The following ADAMTS3 variants were observed in gnomAD, a reference collection of about 807,000 sequenced individuals.
ADAMTS3 encodes A disintegrin and metalloproteinase with thrombospondin motifs 3.
ADAMTS3 carries 73 observed loss-of-function variants against 129.0 expected under a neutral mutation model. The observed-to-expected ratio is 0.57, with a 90% confidence interval of 0.47 to 0.69. The LOEUF (loss-of-function observed/expected upper bound fraction) is 0.69, where lower values mean the gene tolerates loss of function less well. Ranked by LOEUF, ADAMTS3 falls within the 30% of genes least tolerant of loss-of-function variation. The pLI, the probability that ADAMTS3 is intolerant of heterozygous loss-of-function variation, is 0.00. For synonymous variants in ADAMTS3, 477 were observed against 510.8 expected, an observed-to-expected ratio of 0.93 and a Z score of 0.89; for missense variants, 1,457 against 1,514.5, an observed-to-expected ratio of 0.96 and a Z score of 0.63.
chr4:72,502,670 T>C (rs1293521275), intron 3 of ADAMTS3, among the ~76,000 whole-genome samples: 1 of 152,160 alleles, frequency 6.6e-6, no homozygotes, highest in East Asian at 1.9e-4. Context: ...CTTATTTTTC[T>C]AGTTCCCCTA....
chr4:72,509,256 G>GA (rs1269441050), intron 3 of ADAMTS3, among the ~76,000 whole-genome samples: 36 of 137,332 alleles, frequency 2.6e-4, no homozygotes, highest in South Asian at 1.6e-3. Context: ...ATTAGTAGAA[G>GA]AAAAAAAAAA....
rs1407825199 is a variant in ADAMTS3 at position 72,548,537 on chromosome 4, C to T, written c.445G>A (p.Val149Ile). 5 of 1,613,932 alleles carry T rather than the reference C, an allele frequency of 3.1e-6. No homozygotes were observed. Among genetic ancestry groups the T allele is most frequent in the Non-Finnish European group, 4.2e-6 (5 of 1,179,864 alleles). ...CCTGGAATGTCCACGATGTCACCAA[C>T]ATAAGCACAGTTAGTCTGCAAAGGC... is the stretch of plus-strand genomic sequence containing the variant. ...TEPLQTNCAY[V>I]GDIVDIPGTS... is the part of the protein sequence containing the mutation. The change falls in exon 3 of 22, where the codon GTT (valine) becomes ATT (isoleucine). Residue 149 changes from valine to isoleucine, a missense_variant. Val to Ile is a conservative substitution (Grantham distance 29). Coordinates refer to ENST00000286657, the MANE Select transcript of ADAMTS3 (RefSeq NM_014243.3).
At position 72,339,583 on chromosome 4, in the gene ADAMTS3, T is replaced by C. The variant is rs377057443; in HGVS notation, c.772A>G (p.Ile258Val). Residue 258 changes from isoleucine (I) to valine (V), a missense_variant, in exon 5 of 22, where the codon ATC (isoleucine) becomes GTC (valine). Ile to Val is a conservative substitution (Grantham distance 29, BLOSUM62 3). Transcript: ENST00000286657. ...TCATCCACTCCCAGCAGTACCTCGATATTGTAATCGTTTTCTCCCGCGTGT... is the reference window on the plus strand; with the variant it reads ...TCATCCACTCCCAGCAGTACCTCGACATTGTAATCGTTTTCTCCCGCGTGT... ...RRHAGENDYN[I>V]EVLLGVDDSV... 5 of 1,613,850 alleles carry C rather than the reference T, an allele frequency of 3.1e-6. 1 individual carries two copies. In the South Asian group the frequency reaches 3.3e-5, roughly 11 times the overall value.
chr4:72,335,645 T>A (rs1195144111), intron 5 of ADAMTS3, among the ~76,000 whole-genome samples: 1 of 152,166 alleles, frequency 6.6e-6, no homozygotes, highest in Non-Finnish European at 1.5e-5. Context: ...CTGTAAATAA[T>A]TTTTTAAAAT....
chr4:72,533,972 G>C (rs1721120611), intron 3 of ADAMTS3, among the ~76,000 whole-genome samples: 1 of 151,944 alleles, frequency 6.6e-6, no homozygotes, highest in African/African-American at 2.4e-5. Context: ...TCTCTTCCTC[G>C]GCCAGAAGGA....
intron 21 of ADAMTS3, among the ~76,000 whole-genome samples, chr4:72,288,087 A>G (rs574754645): frequency 1.2e-4 from 19 of 152,264 alleles, no homozygotes; most frequent in African/African-American, 4.6e-4. Context: ...GCTGGTCTCG[A>G]ACTCCTGACC....
At chr4:72,537,592 TACA>T (rs1255444612) in intron 3 of ADAMTS3, among the ~76,000 whole-genome samples, 2 of 151,880 alleles carry the variant, frequency 1.3e-5, no homozygotes, top group African/African-American at 2.4e-5. Context: ...AGAGGCAGCC[TACA>T]ACAACTACAA....
At chr4:72,287,727 A>AAG (rs1718548497) in intron 21 of ADAMTS3, among the ~76,000 whole-genome samples, 1 of 152,086 alleles carries the variant, frequency 6.6e-6, no homozygotes, top group Non-Finnish European at 1.5e-5. Flanking sequence ...CACCAAAAAT[A>AAG]AGAGAGAGAC....
intron 4 of ADAMTS3, among the ~76,000 whole-genome samples, chr4:72,389,150 C>T (rs1036172850): frequency 6.6e-6 from 1 of 152,160 alleles, no homozygotes; most frequent in Admixed American, 6.5e-5. Flanking sequence ...CTTCTAAATT[C>T]CAGTTTTTAA....
At chr4:72,422,259 T>C (rs1722464894) in intron 3 of ADAMTS3, among the ~76,000 whole-genome samples, 1 of 152,102 alleles carries the variant, frequency 6.6e-6, no homozygotes, top group Non-Finnish European at 1.5e-5. Flanking sequence ...TTAATTTTCA[T>C]CCTTAATCTC....
At chr4:72,392,929 T>C (rs200064737) in intron 4 of ADAMTS3, among the ~76,000 whole-genome samples, 80 of 132,780 alleles carry the variant, frequency 6.0e-4, no homozygotes, top group African/African-American at 1.4e-3. Context: ...TTTTTTTTTT[T>C]CTTTTTTTTT....
chr4:72,313,135 A>G (rs533999649), intron 12 of ADAMTS3, among the ~76,000 whole-genome samples: 74 of 152,192 alleles, frequency 4.9e-4, no homozygotes, highest in Non-Finnish European at 9.7e-4. Flanking sequence ...TCTAAATGTG[A>G]GAATTCAGTT....
rs535856238 is a variant in ADAMTS3 at position 72,536,110 on chromosome 4, G to A, written c.504+12368C>T. 6.6e-5 allele frequency among the ~76,000 whole-genome samples: 10 copies of A among 152,188 alleles called. No homozygotes were observed. The East Asian group carries it at 1.2e-3, about 18-fold the overall frequency. On this transcript the variant is annotated intron_variant, in intron 3 of 21. Coordinates refer to ENST00000286657, the MANE Select transcript of ADAMTS3 (RefSeq NM_014243.3). The stretch of plus-strand genomic sequence containing the variant: ...GTCAATTGTGTAAAACCTCATTATC[G>A]TAATGACAACAGCAATAAGAAGTCT...
intron 3 of ADAMTS3, among the ~76,000 whole-genome samples, chr4:72,430,693 ATTAGAG>A (rs1286795162): frequency 2.6e-5 from 4 of 152,018 alleles, no homozygotes; most frequent in Non-Finnish European, 4.4e-5. Flanking sequence ...CAAGAATGGA[ATTAGAG>A]TTAATGTAGA....
intron 3 of ADAMTS3, among the ~76,000 whole-genome samples, chr4:72,514,070 T>A (rs1370412694): frequency 6.6e-6 from 1 of 152,104 alleles, no homozygotes; most frequent in Admixed American, 6.6e-5. Context: ...CTCTCCTTCT[T>A]CCTCACCCCC....
chr4:72,311,000 T>C (rs1719218070), intron 14 of ADAMTS3, 48 bp downstream of exon 14: 1 of 1,496,822 alleles, frequency 6.7e-7, no homozygotes, highest in Admixed American at 2.1e-5. Flanking sequence ...TGAATGACAG[T>C]AAACGTAGAT....
chr4:72,428,744 T>A (rs777192925), intron 3 of ADAMTS3, among the ~76,000 whole-genome samples: 4 of 152,052 alleles, frequency 2.6e-5, no homozygotes, highest in African/African-American at 4.8e-5. Context: ...AGTTTCATAA[T>A]CTAAAAACTT....
Position 72,414,991 on chromosome 4 carries a change from TG to T in ADAMTS3, c.505-21del. 1 of 1,428,786 alleles carries T rather than the reference TG, an allele frequency of 7.0e-7. No homozygotes were observed. The highest frequency in any genetic ancestry group is 2.7e-5 in the Admixed American group (1 of 36,508). 88.5% of individuals were successfully genotyped at this position (1,428,786 alleles called of 1,614,324 possible). On this transcript the variant is annotated intron_variant, in intron 3 of 21. Transcript: ENST00000286657. Reference sequence around the variant, plus strand: ...TCCAGCCTAGAGAAAGCACAAAATGTGTTAATTTAAAAAAGAAATATCTATC... The same window carrying T: ...TCCAGCCTAGAGAAAGCACAAAATGTTTAATTTAAAAAAGAAATATCTATC...
intron 3 of ADAMTS3, among the ~76,000 whole-genome samples, chr4:72,481,973 T>C (rs1253254243): frequency 6.6e-6 from 1 of 152,032 alleles, no homozygotes; most frequent in African/African-American, 2.4e-5. Context: ...CTACACACTA[T>C]CATAAAGGCA....
Sources: gnomAD v4.1 joint callset for allele counts (sites outside exome capture counted in the v4.1 genomes callset) on GRCh38, gnomAD v4.1.1 for gene constraint, MANE v1.5 for transcripts, NCBI Gene and HGNC (gene_info 2026-07-23, HGNC 2026-07-21) for gene names.